The following AFF3 variants were observed in gnomAD, a reference collection of about 807,000 sequenced individuals.
AFF3 encodes AF4/FMR2 family member 3.
Under a neutral mutation model 129.7 loss-of-function variants are expected in AFF3, and 32 were observed. The observed-to-expected ratio is 0.25, with a 90% CI of 0.19 to 0.33. The LOEUF is 0.33. AFF3 is among the 10% of genes least tolerant of loss of function. The pLI is 1.00. For missense variants in AFF3, 1,373 were observed against 1,592.0 expected (o/e 0.86, Z 2.34); for synonymous variants, 644 against 635.4 (o/e 1.01, Z -0.20).
chr2:99,556,079 T>A (rs1214018505), intron 22 of AFF3, among the ~76,000 whole-genome samples: 1 of 152,128 alleles, frequency 6.6e-6, no homozygotes, highest in Non-Finnish European at 1.5e-5. Context: ...AGAATGCATG[T>A]TCTGGATATA....
intron 13 of AFF3, among the ~76,000 whole-genome samples, chr2:99,635,304 A>ATATATG (rs1683551608): frequency 1.3e-5 from 2 of 152,044 alleles, no homozygotes; most frequent in Admixed American, 1.3e-4. Flanking sequence ...TACACATATC[A>ATATATG]TATATGTATA....
At chr2:99,665,142 T>C (rs745887557) in intron 12 of AFF3, among the ~76,000 whole-genome samples, 11 of 152,184 alleles carry the variant, frequency 7.2e-5, no homozygotes, top group Non-Finnish European at 1.3e-4. Context: ...AGCCAGATGG[T>C]GCAGGGTAGT....
intron 4 of AFF3, among the ~76,000 whole-genome samples, chr2:100,061,705 G>A (rs969640185): frequency 2.6e-5 from 4 of 152,136 alleles, no homozygotes; most frequent in African/African-American, 9.7e-5. Flanking sequence ...CAAAGTTAAT[G>A]TGTCATAACT....
chr2:100,083,872 A>AG (rs1221440896), intron 4 of AFF3, among the ~76,000 whole-genome samples: 2 of 152,084 alleles, frequency 1.3e-5, no homozygotes, highest in Non-Finnish European at 2.9e-5. Flanking sequence ...AGCCAGCTCC[A>AG]GGGACCAGCC....
intron 1 of AFF3, among the ~76,000 whole-genome samples, chr2:100,138,052 C>G (rs930537585): frequency 6.6e-6 from 1 of 152,136 alleles, no homozygotes; most frequent in Non-Finnish European, 1.5e-5. Context: ...TTAGATTGCC[C>G]ATGATAACAA....
intron 8 of AFF3, among the ~76,000 whole-genome samples, chr2:99,817,982 T>G (rs1687374343): frequency 6.6e-6 from 1 of 152,216 alleles, no homozygotes; most frequent in Non-Finnish European, 1.5e-5. Context: ...TATGCAGAAT[T>G]CCATCTCTGA....
At chr2:99,755,466 C>A (rs1682019891) in intron 8 of AFF3, among the ~76,000 whole-genome samples, 1 of 152,074 alleles carries the variant, frequency 6.6e-6, no homozygotes, top group Non-Finnish European at 1.5e-5. Flanking sequence ...GGGGTTTCTC[C>A]ATGTTGGTCA....
intron 4 of AFF3, among the ~76,000 whole-genome samples, chr2:100,010,547 T>C (rs865837873): frequency 6.6e-6 from 1 of 152,190 alleles, no homozygotes; most frequent in Admixed American, 6.5e-5. Flanking sequence ...ATCCTTAGTA[T>C]ATTACCCACA....
At chr2:99,791,327 C>T (rs1048259852) in intron 8 of AFF3, among the ~76,000 whole-genome samples, 5 of 152,202 alleles carry the variant, frequency 3.3e-5, no homozygotes, top group Non-Finnish European at 7.3e-5. Context: ...TGGTGTGTTT[C>T]CATGTAATTC....
At chr2:99,933,128 T>G (rs1292404819) in intron 7 of AFF3, among the ~76,000 whole-genome samples, 1 of 152,102 alleles carries the variant, frequency 6.6e-6, no homozygotes, top group Non-Finnish European at 1.5e-5. Context: ...GTGCTATTAG[T>G]GATGAGTTTC....
chr2:99,555,868 G>A (rs1053347630), intron 22 of AFF3, among the ~76,000 whole-genome samples: 1 of 152,160 alleles, frequency 6.6e-6, no homozygotes, highest in East Asian at 1.9e-4. Context: ...TAAATGTAAG[G>A]ACAACACCGC....
At position 99,889,625 on chromosome 2, in the gene AFF3, C is replaced by T. The variant is rs192392223; in HGVS notation, c.874-52101G>A. ...TATGGGTTTGAAATTAAGTAGAGGG[C>T]CTTAGAAGAGGACACTCAACCCCGG... is the stretch of plus-strand genomic sequence containing the variant. On this transcript the variant is annotated intron_variant, in intron 7 of 24. Transcript: ENST00000672756. Among the ~76,000 whole-genome samples, 854 of 152,202 alleles carry T rather than the reference C, an allele frequency of 5.6e-3. 6 individuals carry two copies. Among genetic ancestry groups the T allele is most frequent in the Non-Finnish European group, 1.0e-2 (680 of 68,004 alleles).
intron 14 of AFF3, among the ~76,000 whole-genome samples, chr2:99,599,404 G>A (rs1679602747): frequency 1.3e-5 from 2 of 152,084 alleles, no homozygotes; most frequent in East Asian, 1.9e-4. Flanking sequence ...GATTACAGGC[G>A]CCCACCACCA....
intron 7 of AFF3, among the ~76,000 whole-genome samples, chr2:99,990,177 A>G (rs1680213726): frequency 1.3e-5 from 2 of 152,158 alleles, no homozygotes; most frequent in South Asian, 4.1e-4. Context: ...CCCACTCACA[A>G]CTGAGTTCGA....
At chr2:100,018,143 T>C (rs1427867887) in intron 4 of AFF3, among the ~76,000 whole-genome samples, 2 of 152,190 alleles carry the variant, frequency 1.3e-5, no homozygotes, top group Non-Finnish European at 2.9e-5. Flanking sequence ...CTCTAGTCCC[T>C]ACATTTTTTC....
intron 4 of AFF3, among the ~76,000 whole-genome samples, chr2:100,062,503 G>A (rs1325226699): frequency 2.0e-5 from 3 of 152,218 alleles, no homozygotes; most frequent in Non-Finnish European, 4.4e-5. Flanking sequence ...AAGGGGAACG[G>A]TCCTGTGAGG....
intron 11 of AFF3, among the ~76,000 whole-genome samples, chr2:99,711,196 G>A (rs900853826): frequency 7.9e-5 from 12 of 152,212 alleles, no homozygotes; most frequent in African/African-American, 2.4e-4. Context: ...CCCGTTTCAT[G>A]TGCCCTCTGT....
intron 11 of AFF3, among the ~76,000 whole-genome samples, chr2:99,685,839 A>C (rs2104599785): frequency 6.6e-6 from 1 of 152,330 alleles, no homozygotes; most frequent in African/African-American, 2.4e-5. Flanking sequence ...TGGTGTCCAT[A>C]CTGCTAAAGT....
intron 8 of AFF3, among the ~76,000 whole-genome samples, chr2:99,760,315 A>G (rs1289913391): frequency 6.6e-6 from 1 of 152,202 alleles, no homozygotes; most frequent in Non-Finnish European, 1.5e-5. Flanking sequence ...ATATTTAAAG[A>G]GATTATTATT....
Sources: allele counts gnomAD v4.1 joint callset (sites outside exome capture counted in the v4.1 genomes callset), GRCh38; gene constraint gnomAD v4.1.1; transcripts MANE v1.5; gene names NCBI Gene and HGNC (gene_info 2026-07-23, HGNC 2026-07-21).